Variants in CORO1C observed in about 807,000 individuals in gnomAD.
The protein encoded by CORO1C is coronin 1C.
A neutral mutation model predicts 51.2 loss-of-function variants in CORO1C; 14 were observed. The observed-to-expected ratio is 0.27, with a 90% CI of 0.18 to 0.43. CORO1C has a LOEUF of 0.43. CORO1C is among the 20% of genes least tolerant of loss of function. The pLI is 1.00. For missense variants in CORO1C, 417 were observed against 607.8 expected (o/e 0.69, Z 3.30); for synonymous variants, 181 against 210.5 (o/e 0.86, Z 1.21).
chr12:108,706,680 C>T (rs1283096978), intron 1 of CORO1C, among the ~76,000 whole-genome samples: 6 of 152,230 alleles, frequency 3.9e-5, no homozygotes, highest in East Asian at 1.9e-4. Flanking sequence ...CTGCAACCTC[C>T]GCCTCCGGGG....
intron 1 of CORO1C, among the ~76,000 whole-genome samples, chr12:108,708,715 G>C (rs1192953381): frequency 6.6e-6 from 1 of 152,122 alleles, no homozygotes; most frequent in Non-Finnish European, 1.5e-5. Flanking sequence ...GCCCACCTTG[G>C]CCTCCCAAAG....
At position 108,658,999 on chromosome 12, in the gene CORO1C, G is replaced by T. The variant is rs538021318; in HGVS notation, c.449-80C>A. 9.9e-6 allele frequency: 14 copies of T among 1,417,330 alleles called. No homozygotes were observed. The South Asian group carries it at 1.7e-4, about 17-fold the overall frequency. The allele number at this position is 1,417,330 out of a possible 1,614,324, so 87.8% of individuals were successfully genotyped here. On this transcript the variant is annotated intron_variant, in intron 4 of 10. Transcript: ENST00000261401. This position sits in a 1 kb window ranked among gnomAD's most constrained non-coding sequence, Gnocchi z 4.9. ...ACTCAGAAAACTACAGATACAGTGA[G>T]AATACACATATGTATATGCAGAGAG...
chr12:108,701,457 T>C, intron 1 of CORO1C, 134 bp from the exon 2 acceptor site: 1 of 1,402,092 alleles, frequency 7.1e-7, no homozygotes, highest in Non-Finnish European at 9.6e-7. Context: ...AGTAGCCAAA[T>C]TGCAATCCAA....
At chr12:108,659,018 C>CAG (rs374484534) in intron 4 of CORO1C, 99 bp from the exon 5 acceptor site, 203 of 1,132,844 alleles carry the variant, frequency 1.8e-4, no homozygotes, top group South Asian at 3.5e-4. Context: ...TATGTATATG[C>CAG]AGAGAGAGAG....
chr12:108,695,569 T>G (rs1314112079), intron 2 of CORO1C, among the ~76,000 whole-genome samples: 1 of 152,150 alleles, frequency 6.6e-6, no homozygotes, highest in Non-Finnish European at 1.5e-5. Context: ...GAGAACCCAA[T>G]GGATGAGTTC....
At chr12:108,678,130 G>T in intron 3 of CORO1C, 142 bp downstream of exon 3, 1 of 625,044 alleles carries the variant, frequency 1.6e-6, no homozygotes, top group Non-Finnish European at 2.5e-6. Flanking sequence ...GTAAATTATT[G>T]TAAAATCCAA....
At chr12:108,707,945 A>T (rs948331490) in intron 1 of CORO1C, among the ~76,000 whole-genome samples, 3 of 152,206 alleles carry the variant, frequency 2.0e-5, no homozygotes, top group African/African-American at 7.2e-5. Flanking sequence ...TTCCATACCC[A>T]CTAGGATGGC....
chr12:108,659,487 CATT>C, intron 4 of CORO1C, among the ~76,000 whole-genome samples: 1 of 152,200 alleles, frequency 6.6e-6, no homozygotes, highest in Non-Finnish European at 1.5e-5. Context: ...GAGAGAAGAT[CATT>C]ATTACTTTTT....
At chr12:108,706,194 A>AC (rs2035025454) in intron 1 of CORO1C, among the ~76,000 whole-genome samples, 1 of 151,396 alleles carries the variant, frequency 6.6e-6, no homozygotes, top group South Asian at 2.1e-4. Flanking sequence ...ATCAAAAAAA[A>AC]ACAAAAAAAA....
At position 108,717,336 on chromosome 12, in the gene CORO1C, T is replaced by C. The variant is rs565791645; in HGVS notation, c.-6+14093A>G. Among the ~76,000 whole-genome samples the C allele has an allele frequency of 9.6e-4, 147 of 152,350 alleles. 1 individual carries two copies. In the Middle Eastern group the frequency reaches 0.01, roughly 11 times the overall value. On this transcript the variant is annotated intron_variant, in intron 1 of 10. Coordinates refer to ENST00000261401, the MANE Select transcript of CORO1C (RefSeq NM_014325.4). ...AGCAGAACCCGGATCACAGAGGGCT[T>C]TCTAGGCCATGTTAAGGATTTTATC...
At position 108,659,748 on chromosome 12, in the gene CORO1C, GT is replaced by G. The variant is rs1197901543; in HGVS notation, c.449-830del. 1.7e-4 allele frequency among the ~76,000 whole-genome samples: 26 copies of G among 152,294 alleles called. No individual in the cohort carries two copies. The East Asian group carries it at 5.0e-3, about 29-fold the overall frequency. On this transcript the variant is annotated intron_variant, in intron 4 of 10. Coordinates refer to ENST00000261401, the MANE Select transcript of CORO1C (RefSeq NM_014325.4). ...ACACAGCTTTGGGATATTAAAGATG[GT>G]ACAACAGTGGAAGGGAAAAGCCAAG...
At chr12:108,699,261 G>A (rs1449298981) in intron 2 of CORO1C, among the ~76,000 whole-genome samples, 1 of 152,166 alleles carries the variant, frequency 6.6e-6, no homozygotes, top group East Asian at 1.9e-4. Context: ...ACTGCACACA[G>A]GTCTCCCTCA....
At position 108,654,337 on chromosome 12, in the gene CORO1C, G is replaced by C; in HGVS notation, c.824C>G (p.Pro275Arg). 3 of 1,612,516 alleles carry C rather than the reference G, an allele frequency of 1.9e-6. No individual in the cohort carries two copies. Among genetic ancestry groups the C allele is most frequent in the Non-Finnish European group, 2.5e-6 (3 of 1,178,638 alleles). The change falls in exon 7 of 11, where the codon CCT (proline) becomes CGT (arginine). Residue 275 changes from proline to arginine, a missense_variant. By Grantham distance (103) the Pro-to-Arg change is moderately radical (BLOSUM62 -2). Transcript: ENST00000261401. ...ACATAAGTAAATGATGCTGGTGTCA[G>C]GGTCATAGAAAGGCAGCAACACCCC... ...SNGVLLPFYD[P>R]DTSIIYLCGK...
chr12:108,661,346 G>A (rs143023503), intron 4 of CORO1C, among the ~76,000 whole-genome samples: 31 of 152,302 alleles, frequency 2.0e-4, no homozygotes, highest in African/African-American at 7.2e-4. Context: ...AAAATAGGAA[G>A]AGAGCTTAAT....
intron 8 of CORO1C, 21 bp downstream of exon 8, chr12:108,652,251 T>C: frequency 1.9e-6 from 3 of 1,610,750 alleles, no homozygotes; most frequent in South Asian, 1.1e-5. Context: ...CCTAGAATAC[T>C]TGACAATCTC....
intron 1 of CORO1C, among the ~76,000 whole-genome samples, chr12:108,708,285 C>T (rs2035083641): frequency 6.6e-6 from 1 of 152,060 alleles, no homozygotes; most frequent in Admixed American, 6.6e-5. Flanking sequence ...ACCTGTACAA[C>T]AGAATATTAT....
intron 1 of CORO1C, among the ~76,000 whole-genome samples, chr12:108,708,619 G>A (rs770474944): frequency 1.3e-5 from 2 of 150,924 alleles, no homozygotes; most frequent in African/African-American, 2.4e-5. Flanking sequence ...CTGCCACCAC[G>A]CCCAGCTAAT....
chr12:108,698,864 T>A (rs80094928), intron 2 of CORO1C, among the ~76,000 whole-genome samples: 17 of 152,204 alleles, frequency 1.1e-4, no homozygotes, highest in Non-Finnish European at 2.4e-4. Context: ...CTTCCCTCTA[T>A]GCCACATTGA....
At position 108,648,731 on chromosome 12, in the gene CORO1C, C is replaced by T. The variant is rs764648546; in HGVS notation, c.1179G>A (p.Gly393=). The part of the protein sequence containing the change: ...ADPILISLKH[G]YIPGKNRDLK... ...GATCCCTGTTTTTGCCTGGAATGTA[C>T]CCGTGCTTCAAGGAGATGAGGATTG... The change falls in exon 10 of 11, where the codon GGG becomes GGA. Residue 393 remains glycine, a synonymous_variant. Coordinates refer to ENST00000261401, the MANE Select transcript of CORO1C (RefSeq NM_014325.4). The T allele has an allele frequency of 6.2e-7, 1 of 1,614,046 alleles. No individual in the cohort carries two copies. The highest frequency in any genetic ancestry group is 8.5e-7 in the Non-Finnish European group (1 of 1,180,036).
Sources: gnomAD v4.1 joint callset for allele counts (sites outside exome capture counted in the v4.1 genomes callset) on GRCh38, gnomAD v4.1.1 for gene constraint, Gnocchi (gnomAD v3.1) non-coding constraint, MANE v1.5 for transcripts, NCBI Gene and HGNC (gene_info 2026-07-23, HGNC 2026-07-21) for gene names.